The following TAF4B variants were observed in gnomAD, a reference collection of about 807,000 sequenced individuals.
The protein encoded by TAF4B is transcription initiation factor TFIID subunit 4B.
In TAF4B, 38 loss-of-function variants were observed where a neutral mutation model predicts 86.4. The ratio of observed to expected loss-of-function variants is 0.44; its 90% confidence interval spans 0.34 to 0.58. TAF4B has a LOEUF of 0.58. Among genes scored for constraint, TAF4B ranks in the 20% least tolerant of loss-of-function variants. The probability of loss-of-function intolerance (pLI) is 0.02; values close to 1 mark genes in which losing one functional copy is unlikely to be tolerated. For synonymous variants in TAF4B, 388 were observed against 391.2 expected (o/e 0.99, Z 0.10); for missense variants, 988 against 1,027.6 (o/e 0.96, Z 0.53).
intron 13 of TAF4B, among the ~76,000 whole-genome samples, chr18:26,347,900 G>T (rs1399385835): frequency 6.6e-6 from 1 of 152,126 alleles, no homozygotes; most frequent in African/African-American, 2.4e-5. Flanking sequence ...CCCAACACTG[G>T]ACCACTCAGA....
intron 14 of TAF4B, among the ~76,000 whole-genome samples, chr18:26,376,614 G>A (rs1243352379): frequency 1.3e-5 from 2 of 151,438 alleles, no homozygotes; most frequent in Non-Finnish European, 2.9e-5. Context: ...ACAAGATCAT[G>A]TCATCTGCAA....
chr18:26,386,057 GA>G (rs1978347972), intron 14 of TAF4B, among the ~76,000 whole-genome samples: 2 of 152,174 alleles, frequency 1.3e-5, no homozygotes, highest in Non-Finnish European at 2.9e-5. Flanking sequence ...CTATTTGGGG[GA>G]AGAGAATGCT....
chr18:26,346,801 G>GTGTATATATA (rs1298359765), intron 13 of TAF4B, among the ~76,000 whole-genome samples: 4 of 18,254 alleles, frequency 2.2e-4, no homozygotes, highest in African/African-American at 4.2e-4. Context: ...ATATATATGT[G>GTGTATATATA]TATATATATA....
chr18:26,324,561 T>C (rs2056989305), intron 11 of TAF4B, among the ~76,000 whole-genome samples: 1 of 152,264 alleles, frequency 6.6e-6, no homozygotes, highest in Non-Finnish European at 1.5e-5. Context: ...TCTTTTGTTG[T>C]ATATCAGTAG....
At chr18:26,298,430 C>T (rs2056690824) in intron 9 of TAF4B, among the ~76,000 whole-genome samples, 2 of 152,018 alleles carry the variant, frequency 1.3e-5, no homozygotes, top group Non-Finnish European at 2.9e-5. Context: ...GACGGGTTTT[C>T]ACCATGTTAG....
In TAF4B at chr18:26,310,006, A is replaced by G. The variant is rs796100513; in HGVS notation, c.1833-5223A>G. Among the ~76,000 whole-genome samples, 6 of 152,068 alleles carry G rather than the reference A, an allele frequency of 3.9e-5. 1 individual carries two copies. The highest frequency in any genetic ancestry group is 1.4e-4 in the African/African-American group (6 of 41,494). On this transcript the variant is annotated intron_variant, in intron 9 of 14. Transcript: ENST00000269142. ...CCCAGCTCATTTTTGTATTTTTAGTAGAGATGGGGTTTCACCATATTGGCC... is the reference window on the plus strand; with the variant it reads ...CCCAGCTCATTTTTGTATTTTTAGTGGAGATGGGGTTTCACCATATTGGCC...
rs2144614435 is a variant in TAF4B, at chr18:26,293,453, C to G, written c.1754C>G (p.Pro585Arg). The change falls in exon 9 of 15, where the codon CCT (proline) becomes CGT (arginine). Residue 585 changes from proline (P) to arginine (R), a missense_variant. This residue lies in a region of TAF4B where 747 missense variants were observed against 737.9 expected (regional missense o/e 1.01). Coordinates refer to ENST00000269142, the MANE Select transcript of TAF4B (RefSeq NM_005640.3). ...TCCATTCTAAAGCAAATTACTCTGCCTGGAAATAAAATTCTGTCACTTCAA... is the reference window on the plus strand; with the variant it reads ...TCCATTCTAAAGCAAATTACTCTGCGTGGAAATAAAATTCTGTCACTTCAA... ...PASILKQITL[P>R]GNKILSLQAS... 1.3e-6 allele frequency: 2 copies of G among 1,593,336 alleles called. No individual in the cohort carries two copies. Among genetic ancestry groups the G allele is most frequent in the Middle Eastern group, 1.7e-4 (1 of 6,012 alleles).
intron 11 of TAF4B, among the ~76,000 whole-genome samples, chr18:26,325,510 C>G (rs551814466): frequency 6.6e-6 from 1 of 151,688 alleles, no homozygotes; most frequent in Non-Finnish European, 1.5e-5. Context: ...TTTAGTGATA[C>G]GGAAGAAAAA....
intron 1 of TAF4B, among the ~76,000 whole-genome samples, chr18:26,261,195 T>TG (rs2056160849): frequency 7.4e-6 from 1 of 134,890 alleles, no homozygotes; most frequent in South Asian, 2.4e-4. Context: ...TTTTTTTTTT[T>TG]TTTTGAGACG....
intron 1 of TAF4B, among the ~76,000 whole-genome samples, chr18:26,243,371 C>T (rs1021628217): frequency 2.0e-5 from 3 of 152,198 alleles, no homozygotes; most frequent in African/African-American, 4.8e-5. Flanking sequence ...TCCAGTTGAT[C>T]GAATCGGCTA....
intron 1 of TAF4B, among the ~76,000 whole-genome samples, chr18:26,232,319 C>G (rs1194648227): frequency 6.6e-6 from 1 of 152,140 alleles, no homozygotes; most frequent in Non-Finnish European, 1.5e-5. Flanking sequence ...AGAAGGGGCC[C>G]TGCAGTTGTA....
chr18:26,346,873 A>ATATATGTGTGTGTG (rs1555623695), intron 13 of TAF4B, among the ~76,000 whole-genome samples: 1 of 12,302 alleles, frequency 8.1e-5, no homozygotes, highest in Non-Finnish European at 1.8e-4. Context: ...ATATATATAT[A>ATATATGTGTGTGTG]TGTGTATATA....
chr18:26,302,401 GTC>G (rs1030151913), intron 9 of TAF4B, among the ~76,000 whole-genome samples: 1 of 88,928 alleles, frequency 1.1e-5, no homozygotes, highest in Non-Finnish European at 2.1e-5. Flanking sequence ...TTGAGAAATG[GTC>G]TCTGTCACCT....
chr18:26,259,406 G>T lies in TAF4B; in HGVS notation c.344-5764G>T, dbSNP rs556373959. Among the ~76,000 whole-genome samples the T allele has an allele frequency of 2.0e-5, 3 of 151,876 alleles. 1 individual carries two copies. The highest frequency in any genetic ancestry group is 7.2e-5 in the African/African-American group (3 of 41,398). Reference sequence around the variant, plus strand: ...CCCATTAACTCATCATTTACATTAGGTATATCTCCTAATGCATCCCTCCCC... The same window carrying T: ...CCCATTAACTCATCATTTACATTAGTTATATCTCCTAATGCATCCCTCCCC... On this transcript the variant is annotated intron_variant, in intron 1 of 14. Transcript: ENST00000269142.
chr18:26,299,099 G>C (rs929731745), intron 9 of TAF4B, among the ~76,000 whole-genome samples: 5 of 151,492 alleles, frequency 3.3e-5, no homozygotes, highest in African/African-American at 1.2e-4. Context: ...GACCTCAGGT[G>C]ATCTGCCTGC....
At chr18:26,297,477 T>G (rs894436896) in intron 9 of TAF4B, among the ~76,000 whole-genome samples, 1 of 152,154 alleles carries the variant, frequency 6.6e-6, no homozygotes, top group Non-Finnish European at 1.5e-5. Context: ...AGAATTACAT[T>G]TCTAGAGCAA....
At chr18:26,352,763 C>T (rs919470863) in intron 13 of TAF4B, among the ~76,000 whole-genome samples, 5 of 152,130 alleles carry the variant, frequency 3.3e-5, no homozygotes, top group Non-Finnish European at 5.9e-5. Flanking sequence ...CTCCCCGCCA[C>T]ACCCCTCTCT....
At chr18:26,248,760 A>G (rs1403241525) in intron 1 of TAF4B, among the ~76,000 whole-genome samples, 5 of 85,966 alleles carry the variant, frequency 5.8e-5, no homozygotes, top group African/African-American at 1.8e-4. Context: ...CCTGGGCTCA[A>G]GTGATCTTCC....
intron 13 of TAF4B, among the ~76,000 whole-genome samples, chr18:26,356,756 T>C (rs1288020089): frequency 6.6e-6 from 1 of 151,056 alleles, no homozygotes; most frequent in Non-Finnish European, 1.5e-5. Flanking sequence ...TAGGGATTTA[T>C]CTAGTGGTGT....
Sources: allele counts gnomAD v4.1 joint callset (sites outside exome capture counted in the v4.1 genomes callset), GRCh38; gene constraint gnomAD v4.1.1; regional missense constraint gnomAD v4.1.1; transcripts MANE v1.5; gene names NCBI Gene and HGNC (gene_info 2026-07-23, HGNC 2026-07-21).